Variants in DLC1 observed in about 807,000 individuals in gnomAD.
The protein encoded by DLC1 is DLC1 Rho GTPase activating protein.
In DLC1, 54 loss-of-function variants were observed where a neutral mutation model predicts 140.3. That is an observed-to-expected ratio of 0.38 (90% CI 0.31 to 0.48). The LOEUF (loss-of-function observed/expected upper bound fraction) is 0.48. DLC1 is among the 20% of genes least tolerant of loss of function. The pLI, the probability that DLC1 is intolerant of heterozygous loss-of-function variation, is 0.96. For synonymous variants in DLC1, 986 were observed against 728.1 expected (o/e 1.35, Z -5.70); for missense variants, 2,536 against 1,907.0 (o/e 1.33, Z -6.14).
rs887876751 is a variant in DLC1, at chr8:13,452,767, G to T, written c.1023+46282C>A. On this transcript the variant is annotated intron_variant, in intron 2 of 17. Coordinates refer to ENST00000276297, the MANE Select transcript of DLC1 (RefSeq NM_182643.3). The stretch of plus-strand genomic sequence containing the variant: ...CACTTGATGAAATTTTTAGTTTCAG[G>T]GTTAGTTTAAGCATACAATCATACA... Among the ~76,000 whole-genome samples the T allele has an allele frequency of 3.7e-4, 57 of 152,042 alleles. 1 individual carries two copies. Among genetic ancestry groups the T allele is most frequent in the African/African-American group, 1.3e-3 (54 of 41,400 alleles).
chr8:13,193,507 C>T (rs994280333), intron 5 of DLC1, among the ~76,000 whole-genome samples: 4 of 152,186 alleles, frequency 2.6e-5, no homozygotes, highest in Non-Finnish European at 5.9e-5. Flanking sequence ...ACAACTATGG[C>T]TGGAATCCCC....
chr8:13,139,520 A>G (rs1364000849), intron 5 of DLC1, among the ~76,000 whole-genome samples: 1 of 152,220 alleles, frequency 6.6e-6, no homozygotes, highest in African/African-American at 2.4e-5. Context: ...TGGTGGAGAC[A>G]GCTCTGTTAA....
intron 2 of DLC1, among the ~76,000 whole-genome samples, chr8:13,479,156 C>T (rs2117106961): frequency 6.6e-6 from 1 of 152,216 alleles, no homozygotes; most frequent in South Asian, 2.1e-4. Flanking sequence ...ATTTTGTATC[C>T]CTTCCATCTG....
intron 10 of DLC1, 59 bp from the exon 11 acceptor site, chr8:13,095,304 A>G (rs1818419378): frequency 1.2e-6 from 2 of 1,604,350 alleles, no homozygotes; most frequent in South Asian, 1.1e-5. Context: ...GTCTGTCTAC[A>G]CTTGTCCAAT....
At chr8:13,458,173 C>G (rs561666082) in intron 2 of DLC1, among the ~76,000 whole-genome samples, 2 of 152,214 alleles carry the variant, frequency 1.3e-5, no homozygotes, top group Admixed American at 6.5e-5. Context: ...TGAACTTTAA[C>G]AGACAAATTA....
intron 2 of DLC1, among the ~76,000 whole-genome samples, chr8:13,416,782 A>T (rs969582245): frequency 3.3e-5 from 5 of 152,146 alleles, no homozygotes; most frequent in Non-Finnish European, 5.9e-5. Flanking sequence ...CACTTGAGAG[A>T]TTCTGGTTTG....
chr8:13,302,303 T>G (rs75241254), intron 5 of DLC1, among the ~76,000 whole-genome samples: 1 of 152,212 alleles, frequency 6.6e-6, no homozygotes, highest in Non-Finnish European at 1.5e-5. Context: ...TGTTCATAAC[T>G]GCTTCCTCAG....
chr8:13,427,895 C>G (rs1370827486), intron 2 of DLC1, among the ~76,000 whole-genome samples: 2 of 152,204 alleles, frequency 1.3e-5, no homozygotes, highest in African/African-American at 4.8e-5. Flanking sequence ...GTACCTCTCA[C>G]AGAACCAAAT....
chr8:13,577,492 G>T (rs894106188), intron 1 of DLC1, among the ~76,000 whole-genome samples: 11 of 152,082 alleles, frequency 7.2e-5, no homozygotes, highest in African/African-American at 2.7e-4. Flanking sequence ...CGTATATCTT[G>T]GTTAAATTTA....
intron 5 of DLC1, among the ~76,000 whole-genome samples, chr8:13,150,566 T>C (rs1232126454): frequency 6.6e-6 from 1 of 152,234 alleles, no homozygotes; most frequent in Non-Finnish European, 1.5e-5. Context: ...GCGATGGCTT[T>C]AATATCCTCT....
chr8:13,516,876 T>G (rs541793863), upstream of DLC1, among the ~76,000 whole-genome samples: 18 of 152,316 alleles, frequency 1.2e-4, no homozygotes, highest in South Asian at 3.5e-3. Flanking sequence ...AGTCAAATGA[T>G]ACAAAGTGCC....
At chr8:13,466,927 C>A (rs191460075) in intron 2 of DLC1, among the ~76,000 whole-genome samples, 1 of 135,144 alleles carries the variant, frequency 7.4e-6, no homozygotes, top group Non-Finnish European at 1.6e-5. Context: ...AGTCAGTTAA[C>A]AGTGGTTGTC....
At chr8:13,242,306 T>C (rs974521157) in intron 5 of DLC1, among the ~76,000 whole-genome samples, 8 of 152,136 alleles carry the variant, frequency 5.3e-5, no homozygotes, top group Non-Finnish European at 1.2e-4. Flanking sequence ...TGGAAACCAT[T>C]TCTGACACAC....
intron 2 of DLC1, among the ~76,000 whole-genome samples, chr8:13,445,113 G>T (rs1798716278): frequency 6.6e-6 from 1 of 152,022 alleles, no homozygotes; most frequent in Non-Finnish European, 1.5e-5. Context: ...GAAAGTGTGT[G>T]ACAAAGAGGG....
intron 5 of DLC1, among the ~76,000 whole-genome samples, chr8:13,170,748 A>G (rs1472334700): frequency 2.6e-5 from 4 of 151,934 alleles, no homozygotes. Context: ...AAAAAAAAAA[A>G]AAGTTTCTGT....
At chr8:13,478,390 A>T (rs1215664223) in intron 2 of DLC1, among the ~76,000 whole-genome samples, 1 of 152,126 alleles carries the variant, frequency 6.6e-6, no homozygotes, top group African/African-American at 2.4e-5. Flanking sequence ...CCAGGTCCCA[A>T]CTCTGGCATT....
chr8:13,538,610 G>A (rs1803377647), intron 1 of DLC1, among the ~76,000 whole-genome samples: 1 of 152,160 alleles, frequency 6.6e-6, no homozygotes, highest in Non-Finnish European at 1.5e-5. Flanking sequence ...TGGTGTATCA[G>A]TGGGTGTGGC....
intron 5 of DLC1, among the ~76,000 whole-genome samples, chr8:13,177,671 A>G (rs1825823981): frequency 2.0e-5 from 3 of 152,252 alleles, no homozygotes; most frequent in Admixed American, 2.0e-4. Flanking sequence ...TAGGGCAAAA[A>G]TGCCTATATT....
chr8:13,180,171 A>G (rs1825958071), intron 5 of DLC1, among the ~76,000 whole-genome samples: 1 of 152,194 alleles, frequency 6.6e-6, no homozygotes, highest in African/African-American at 2.4e-5. Flanking sequence ...AAGCAGACTT[A>G]CTGTCTTTAG....
Sources: allele counts gnomAD v4.1 joint callset (sites outside exome capture counted in the v4.1 genomes callset), GRCh38; gene constraint gnomAD v4.1.1; transcripts MANE v1.5; gene names NCBI Gene and HGNC (gene_info 2026-07-23, HGNC 2026-07-21).